Variants in C1orf21 observed in about 807,000 individuals in gnomAD.
The protein encoded by C1orf21 is uncharacterized protein C1orf21.
Under a neutral mutation model 18.7 loss-of-function variants are expected in C1orf21, and 3 were observed. That is an observed-to-expected ratio of 0.16 (90% CI 0.07 to 0.42). The LOEUF (loss-of-function observed/expected upper bound fraction) is 0.42. C1orf21 is among the 10% of genes least tolerant of loss of function. The pLI is 0.99. For missense variants in C1orf21, 104 were observed against 143.6 expected, an observed-to-expected ratio of 0.72 and a Z score of 1.41; for synonymous variants, 41 against 46.4, an observed-to-expected ratio of 0.88 and a Z score of 0.47.
chr1:184,539,785 T>C (rs1302247380), intron 3 of C1orf21, among the ~76,000 whole-genome samples: 1 of 152,204 alleles, frequency 6.6e-6, no homozygotes, highest in African/African-American at 2.4e-5. Context: ...GACTTGTTTT[T>C]CCAGATGAAA....
chr1:184,495,193 C>T (rs1657871480), intron 2 of C1orf21, among the ~76,000 whole-genome samples: 2 of 152,168 alleles, frequency 1.3e-5, no homozygotes, highest in South Asian at 4.1e-4. Context: ...CAGCCACCTC[C>T]CTTTCACCTG....
chr1:184,485,206 G>A (rs541696394), intron 2 of C1orf21, among the ~76,000 whole-genome samples: 7 of 152,210 alleles, frequency 4.6e-5, no homozygotes, highest in African/African-American at 9.6e-5. Flanking sequence ...CATGAGAAAC[G>A]TGACTAGTCC....
intron 1 of C1orf21, among the ~76,000 whole-genome samples, chr1:184,418,368 C>A (rs12142676): frequency 6.6e-6 from 1 of 152,108 alleles, no homozygotes; most frequent in African/African-American, 2.4e-5. Flanking sequence ...TGCCACCATG[C>A]CTGGCTAATT....
chr1:184,510,304 G>A (rs1557990352), intron 3 of C1orf21, among the ~76,000 whole-genome samples: 2 of 152,220 alleles, frequency 1.3e-5, no homozygotes, highest in South Asian at 2.1e-4. Flanking sequence ...CTCTTGCAAA[G>A]AGAGTGCCTT....
chr1:184,437,273 G>T (rs770573976), intron 1 of C1orf21, among the ~76,000 whole-genome samples: 8 of 152,104 alleles, frequency 5.3e-5, no homozygotes, highest in Non-Finnish European at 1.2e-4. Flanking sequence ...TTGGCATTCA[G>T]ATCAGGCGTA....
At chr1:184,507,804 A>AT (rs551159478) in intron 3 of C1orf21, 122 bp downstream of exon 3, 41 of 755,596 alleles carry the variant, frequency 5.4e-5, no homozygotes, top group Non-Finnish European at 8.0e-5. Context: ...TGCTGCAGCT[A>AT]TTTATAGCTT....
intron 3 of C1orf21, among the ~76,000 whole-genome samples, chr1:184,573,415 C>T (rs546257109): frequency 3.3e-5 from 5 of 152,304 alleles, no homozygotes; most frequent in African/African-American, 1.2e-4. Context: ...GTGATGTTAA[C>T]ATCATTCTCG....
chr1:184,419,811 C>T (rs1022720857), intron 1 of C1orf21, among the ~76,000 whole-genome samples: 3 of 152,056 alleles, frequency 2.0e-5, no homozygotes, highest in East Asian at 1.9e-4. Flanking sequence ...CACTGGGCAT[C>T]GAGGCCAGTG....
chr1:184,481,987 A>C (rs146762117), intron 2 of C1orf21, among the ~76,000 whole-genome samples: 1 of 152,246 alleles, frequency 6.6e-6, no homozygotes, highest in Non-Finnish European at 1.5e-5. Context: ...AAATCCCACA[A>C]TGATCACAGA....
At chr1:184,543,504 A>G (rs1557998963) in intron 3 of C1orf21, among the ~76,000 whole-genome samples, 2 of 152,220 alleles carry the variant, frequency 1.3e-5, no homozygotes, top group African/African-American at 4.8e-5. Context: ...GTGATTAAAG[A>G]CCATTTGAAA....
chr1:184,535,075 G>C (rs969696181), intron 3 of C1orf21, among the ~76,000 whole-genome samples: 9 of 149,992 alleles, frequency 6.0e-5, no homozygotes, highest in African/African-American at 1.9e-4. Context: ...TAAAACAGGT[G>C]TGTGACATCA....
At chr1:184,417,283 G>A (rs943899715) in intron 1 of C1orf21, among the ~76,000 whole-genome samples, 8 of 152,222 alleles carry the variant, frequency 5.3e-5, no homozygotes, top group Admixed American at 2.6e-4. Flanking sequence ...AAGGAAAAAC[G>A]GTCAAAATTT....
intron 3 of C1orf21, among the ~76,000 whole-genome samples, chr1:184,584,133 CTTTTTTTT>C (rs386368968): frequency 8.8e-6 from 1 of 113,276 alleles, no homozygotes; most frequent in African/African-American, 3.4e-5. Flanking sequence ...TGTTCTTCTT[CTTTTTTTT>C]TTTTTTTTTT....
chr1:184,534,723 C>T (rs1016314652), intron 3 of C1orf21, among the ~76,000 whole-genome samples: 30 of 152,074 alleles, frequency 2.0e-4, no homozygotes, highest in African/African-American at 5.3e-4. Context: ...GAGGTGCTCA[C>T]GACATAGAAT....
intron 5 of C1orf21, among the ~76,000 whole-genome samples, chr1:184,613,714 G>A (rs564256951): frequency 6.6e-6 from 1 of 152,198 alleles, no homozygotes; most frequent in South Asian, 2.1e-4. Flanking sequence ...TTGGATATGG[G>A]CCACACGAGG....
Position 184,620,402 on chromosome 1 carries a change from T to C in C1orf21, c.*846T>C, listed in dbSNP as rs182611011. 1.3e-4 allele frequency: 20 copies of C among 152,710 alleles called. No individual in the cohort carries two copies. The highest frequency in any genetic ancestry group is 4.1e-4 in the African/African-American group (17 of 41,560). The allele number at this position is 152,710 out of a possible 1,614,324, so 9.5% of individuals were successfully genotyped here. ...TGCAGAAGTTGAGCCCTCCTTTGCATTGACACTGATAATTAGCCTATAGGG... is the reference window on the plus strand; with the variant it reads ...TGCAGAAGTTGAGCCCTCCTTTGCACTGACACTGATAATTAGCCTATAGGG... On this transcript the variant is annotated 3_prime_UTR_variant, in exon 6 of 6. Transcript: ENST00000235307.
At chr1:184,462,244 CG>C (rs1373258000) in intron 1 of C1orf21, among the ~76,000 whole-genome samples, 5 of 152,090 alleles carry the variant, frequency 3.3e-5, no homozygotes, top group African/African-American at 1.2e-4. Flanking sequence ...AGCATATGTT[CG>C]GTATTAGTTG....
intron 3 of C1orf21, among the ~76,000 whole-genome samples, chr1:184,584,084 C>T (rs919442284): frequency 2.0e-5 from 3 of 150,614 alleles, no homozygotes; most frequent in African/African-American, 7.3e-5. Flanking sequence ...CCACCACTTT[C>T]TCCTTCCCCC....
At chr1:184,440,962 T>C (rs1346993095) in intron 1 of C1orf21, among the ~76,000 whole-genome samples, 1 of 152,214 alleles carries the variant, frequency 6.6e-6, no homozygotes, top group Non-Finnish European at 1.5e-5. Context: ...TTATTCAGTA[T>C]TTTGAACTGA....
Sources: allele counts gnomAD v4.1 joint callset (sites outside exome capture counted in the v4.1 genomes callset), GRCh38; gene constraint gnomAD v4.1.1; transcripts MANE v1.5; gene names NCBI Gene and HGNC (gene_info 2026-07-23, HGNC 2026-07-21).